Variants in LRRC7 observed in about 807,000 individuals in gnomAD.
The protein encoded by LRRC7 is leucine-rich repeat-containing protein 7.
Under a neutral mutation model 175.7 loss-of-function variants are expected in LRRC7, and 23 were observed. That is an observed-to-expected ratio of 0.13 (90% CI 0.09 to 0.19). The LOEUF (loss-of-function observed/expected upper bound fraction) is 0.19. Among genes scored for constraint, LRRC7 ranks in the 10% least tolerant of loss-of-function variants. The pLI is 1.00. For missense variants in LRRC7, 1,354 were observed against 1,904.7 expected, an observed-to-expected ratio of 0.71 and a Z score of 5.38; for synonymous variants, 685 against 680.9, an observed-to-expected ratio of 1.01 and a Z score of -0.09.
At chr1:69,932,488 G>T (rs1183748043) in intron 8 of LRRC7, among the ~76,000 whole-genome samples, 1 of 152,078 alleles carries the variant, frequency 6.6e-6, no homozygotes, top group Non-Finnish European at 1.5e-5. Flanking sequence ...TCTAATAAAT[G>T]CCAGTGTGCA....
At chr1:70,035,360 T>G (rs773416442) in intron 18 of LRRC7, among the ~76,000 whole-genome samples, 1 of 152,184 alleles carries the variant, frequency 6.6e-6, no homozygotes, top group Non-Finnish European at 1.5e-5. Context: ...GTTTAAAATC[T>G]TGGGTTTTCT....
chr1:69,999,890 G>A (rs1655365787), intron 11 of LRRC7, among the ~76,000 whole-genome samples: 3 of 152,136 alleles, frequency 2.0e-5, no homozygotes, highest in Admixed American at 2.0e-4. Flanking sequence ...GTCTTCTTCT[G>A]TAAAGTTCCT....
intron 26 of LRRC7, among the ~76,000 whole-genome samples, chr1:70,115,556 A>G (rs1665796688): frequency 6.6e-6 from 1 of 152,168 alleles, no homozygotes; most frequent in African/African-American, 2.4e-5. Flanking sequence ...TGTCATATTT[A>G]TTACATTTTC....
chr1:69,915,284 A>G (rs566183654), intron 7 of LRRC7, among the ~76,000 whole-genome samples: 1 of 152,320 alleles, frequency 6.6e-6, no homozygotes, highest in East Asian at 1.9e-4. Context: ...CTAACAGGTC[A>G]GAGTTTCAAG....
chr1:69,609,969 T>C (rs980556962), intron 1 of LRRC7, among the ~76,000 whole-genome samples: 1 of 152,066 alleles, frequency 6.6e-6, no homozygotes, highest in African/African-American at 2.4e-5. Flanking sequence ...CAATCAGCTA[T>C]CTTCAATAGT....
intron 8 of LRRC7, among the ~76,000 whole-genome samples, chr1:69,935,924 T>C (rs774370348): frequency 1.8e-4 from 28 of 152,186 alleles, no homozygotes; most frequent in Non-Finnish European, 3.8e-4. Context: ...TATGTTTTCT[T>C]CTAAACGTTT....
At chr1:69,649,533 T>C (rs1570161003) in intron 1 of LRRC7, among the ~76,000 whole-genome samples, 1 of 152,306 alleles carries the variant, frequency 6.6e-6, no homozygotes, top group East Asian at 1.9e-4. Context: ...AAAAATATTC[T>C]GGGATTGCTT....
At chr1:69,793,085 G>C (rs1383492909) in intron 4 of LRRC7, among the ~76,000 whole-genome samples, 1 of 152,022 alleles carries the variant, frequency 6.6e-6, no homozygotes, top group African/African-American at 2.4e-5. Context: ...TTATTTATTT[G>C]GTTATATTTA....
At chr1:69,587,362 C>A (rs952798287) in intron 1 of LRRC7, among the ~76,000 whole-genome samples, 2 of 152,124 alleles carry the variant, frequency 1.3e-5, no homozygotes, top group Admixed American at 1.3e-4. Context: ...TCCAGTGGGC[C>A]CTGAGTGGAC....
chr1:69,696,307 C>T (rs1267107643), intron 2 of LRRC7, among the ~76,000 whole-genome samples: 4 of 152,126 alleles, frequency 2.6e-5, no homozygotes, highest in Admixed American at 2.6e-4. Flanking sequence ...TTGTGTGGAA[C>T]CTACTGCTCC....
intron 1 of LRRC7, among the ~76,000 whole-genome samples, chr1:69,616,596 T>C (rs1649659676): frequency 1.3e-5 from 2 of 152,060 alleles, no homozygotes; most frequent in Admixed American, 6.6e-5. Context: ...TTATGGACTT[T>C]ATGATGAGGA....
chr1:69,814,004 A>T (rs1678282080), intron 4 of LRRC7, among the ~76,000 whole-genome samples: 2 of 152,192 alleles, frequency 1.3e-5, no homozygotes, highest in African/African-American at 4.8e-5. Context: ...TATATATACA[A>T]CAAATATATA....
chr1:69,621,066 CAG>C (rs1650494575), intron 1 of LRRC7, among the ~76,000 whole-genome samples: 1 of 149,418 alleles, frequency 6.7e-6, no homozygotes, highest in East Asian at 2.0e-4. Flanking sequence ...TCTTTTGAGA[CAG>C]ATTTTCACTC....
intron 23 of LRRC7, among the ~76,000 whole-genome samples, chr1:70,071,769 G>T (rs1662405889): frequency 6.6e-6 from 1 of 152,162 alleles, no homozygotes; most frequent in African/African-American, 2.4e-5. Flanking sequence ...TTGGAAGCAA[G>T]CCCAGGTGGT....
intron 2 of LRRC7, among the ~76,000 whole-genome samples, chr1:69,759,647 C>T (rs1182833604): frequency 1.3e-5 from 2 of 152,034 alleles, no homozygotes; most frequent in African/African-American, 2.4e-5. Flanking sequence ...GCATCACTGT[C>T]TCCACTAGAA....
intron 11 of LRRC7, among the ~76,000 whole-genome samples, chr1:69,999,288 C>T (rs1655298738): frequency 6.6e-6 from 1 of 152,168 alleles, no homozygotes; most frequent in African/African-American, 2.4e-5. Context: ...GGACAAAAGG[C>T]TTATTCCAGA....
intron 1 of LRRC7, among the ~76,000 whole-genome samples, chr1:69,612,507 A>G (rs899975472): frequency 1.2e-4 from 18 of 151,964 alleles, no homozygotes; most frequent in Non-Finnish European, 1.5e-4. Context: ...AGAATAATAA[A>G]ATATTCTTAC....
At chr1:70,062,495 C>T (rs1661659183) in intron 23 of LRRC7, among the ~76,000 whole-genome samples, 2 of 151,936 alleles carry the variant, frequency 1.3e-5, no homozygotes, top group African/African-American at 4.8e-5. Context: ...AGACTAAATA[C>T]GTCCAATTAC....
At chr1:69,927,996 T>C (rs895270891) in intron 7 of LRRC7, among the ~76,000 whole-genome samples, 1 of 152,220 alleles carries the variant, frequency 6.6e-6, no homozygotes, top group African/African-American at 2.4e-5. Flanking sequence ...GCTGTGGATA[T>C]TTTTTCTCTT....
Sources: allele counts gnomAD v4.1 joint callset (sites outside exome capture counted in the v4.1 genomes callset), GRCh38; gene constraint gnomAD v4.1.1; transcripts MANE v1.5; gene names NCBI Gene and HGNC (gene_info 2026-07-23, HGNC 2026-07-21).